Variants in ATOSA observed in about 807,000 individuals in gnomAD.
ATOSA encodes the protein atos homolog protein A.
chr15:52,659,349 T>G, the ATOSA span, among the ~76,000 whole-genome samples: 2 of 152,214 alleles, frequency 1.3e-5, no homozygotes, highest in Non-Finnish European at 2.9e-5. Flanking sequence ...TTTCTAACAG[T>G]TAAATTCTAA....
the ATOSA span, among the ~76,000 whole-genome samples, chr15:52,690,502 A>T: frequency 1.3e-5 from 2 of 152,260 alleles, no homozygotes; most frequent in African/African-American, 4.8e-5. Context: ...GGATATTTAT[A>T]TCAAAGTACA....
At chr15:52,661,931 C>CAAAAAAAAAAAAAAAAAAAAAAAA in the ATOSA span, among the ~76,000 whole-genome samples, 2 of 73,256 alleles carry the variant, frequency 2.7e-5, no homozygotes, top group East Asian at 5.2e-4. Context: ...CAAGCCAGGC[C>CAAAAAAAAAAAAAAAAAAAAAAAA]AAAAAAAAAA....
At chr15:52,598,168 T>A in the ATOSA span, among the ~76,000 whole-genome samples, 3 of 152,034 alleles carry the variant, frequency 2.0e-5, no homozygotes, top group South Asian at 6.2e-4. Flanking sequence ...TATGTAGATA[T>A]ATATAGATAC....
chr15:52,654,553 C>A, the ATOSA span, among the ~76,000 whole-genome samples: 1 of 152,162 alleles, frequency 6.6e-6, no homozygotes, highest in African/African-American at 2.4e-5. Context: ...AATCCCCAAT[C>A]ACAACAAACC....
the ATOSA span, among the ~76,000 whole-genome samples, chr15:52,603,309 T>C: frequency 1.3e-5 from 2 of 152,082 alleles, no homozygotes; most frequent in South Asian, 4.1e-4. Flanking sequence ...ATGACTTCTA[T>C]CCAAAAGACA....
the ATOSA span, chr15:52,586,891 T>C: frequency 1.4e-5 from 6 of 427,072 alleles, no homozygotes; most frequent in South Asian, 1.3e-4. Context: ...TAAATATGTA[T>C]TGAAGAGTCC....
chr15:52,605,191 T>C, the ATOSA span: 5 of 1,611,600 alleles, frequency 3.1e-6, no homozygotes, highest in African/African-American at 4.0e-5. Context: ...TGAAGTTCCA[T>C]CCAAGGAATG....
chr15:52,621,210 T>C, the ATOSA span, among the ~76,000 whole-genome samples: 1 of 152,164 alleles, frequency 6.6e-6, no homozygotes, highest in Admixed American at 6.5e-5. Context: ...AGGAAACATA[T>C]CTACAATATA....
the ATOSA span, among the ~76,000 whole-genome samples, chr15:52,617,795 A>ATT: frequency 6.7e-6 from 1 of 148,448 alleles, no homozygotes; most frequent in Admixed American, 6.7e-5. Flanking sequence ...CAAATAATTT[A>ATT]TATAATTTAT....
At chr15:52,684,821 C>T in the ATOSA span, among the ~76,000 whole-genome samples, 2 of 152,208 alleles carry the variant, frequency 1.3e-5, no homozygotes, top group Non-Finnish European at 2.9e-5. Context: ...AAGCAACCCT[C>T]CTGCCTTGGC....
At chr15:52,648,291 A>T in the ATOSA span, among the ~76,000 whole-genome samples, 4 of 152,178 alleles carry the variant, frequency 2.6e-5, no homozygotes, top group African/African-American at 9.6e-5. Flanking sequence ...CAGCTAAATA[A>T]TAAATTATAC....
chr15:52,706,906 A>G, the ATOSA span, among the ~76,000 whole-genome samples: 182 of 152,222 alleles, frequency 1.2e-3, no homozygotes, highest in African/African-American at 4.3e-3. Context: ...GAAATGGGGG[A>G]TGACTGCTAG....
chr15:52,616,167 A>G, the ATOSA span, among the ~76,000 whole-genome samples: 5 of 152,242 alleles, frequency 3.3e-5, no homozygotes, highest in African/African-American at 9.6e-5. Flanking sequence ...AGTCTATGTT[A>G]TAAGAGCACA....
the ATOSA span, among the ~76,000 whole-genome samples, chr15:52,695,417 A>T: frequency 6.6e-6 from 1 of 152,180 alleles, no homozygotes; most frequent in Non-Finnish European, 1.5e-5. Flanking sequence ...AGATCCTTCC[A>T]AATCAATATT....
At chr15:52,597,896 A>T in the ATOSA span, among the ~76,000 whole-genome samples, 3 of 152,190 alleles carry the variant, frequency 2.0e-5, no homozygotes, top group Non-Finnish European at 4.4e-5. Flanking sequence ...AGGCCGAGGC[A>T]GGTGGATCAC....
chr15:52,585,707 G>C, the ATOSA span, among the ~76,000 whole-genome samples: 1 of 152,120 alleles, frequency 6.6e-6, no homozygotes, highest in African/African-American at 2.4e-5. Flanking sequence ...GCTTGGTTAT[G>C]AATAATTGAA....
the ATOSA span, among the ~76,000 whole-genome samples, chr15:52,603,948 A>C: frequency 1.4e-4 from 22 of 152,356 alleles, no homozygotes; most frequent in East Asian, 3.3e-3. Flanking sequence ...GTTAACAATA[A>C]TTTATCGTAT....
the ATOSA span, among the ~76,000 whole-genome samples, chr15:52,699,814 C>G: frequency 6.6e-6 from 1 of 152,096 alleles, no homozygotes; most frequent in Non-Finnish European, 1.5e-5. Flanking sequence ...CTGTAGCATT[C>G]GGATTTAGTG....
At chr15:52,620,050 T>C in the ATOSA span, among the ~76,000 whole-genome samples, 3 of 152,154 alleles carry the variant, frequency 2.0e-5, no homozygotes, top group African/African-American at 4.8e-5. Context: ...ATGATCAGAC[T>C]GACTGCTTTT....
Sources: allele counts gnomAD v4.1 joint callset (sites outside exome capture counted in the v4.1 genomes callset), GRCh38; gene constraint gnomAD v4.1.1; transcripts MANE v1.5; gene names NCBI Gene and HGNC (gene_info 2026-07-23, HGNC 2026-07-21).